BBS9: variants seen among roughly 807,000 people sequenced by gnomAD.
BBS9 encodes protein PTHB1.
A neutral mutation model predicts 117.7 loss-of-function variants in BBS9; 89 were observed. The observed-to-expected ratio is 0.76, with a 90% CI of 0.64 to 0.90. BBS9 has a LOEUF of 0.90. Ranked by LOEUF, BBS9 falls within the 40% of genes least tolerant of loss-of-function variation. The pLI is 0.00. For synonymous variants in BBS9, 379 were observed against 370.9 expected, an observed-to-expected ratio of 1.02 and a Z score of -0.25; for missense variants, 982 against 1,042.2, an observed-to-expected ratio of 0.94 and a Z score of 0.80.
At chr7:33,464,876 A>C (rs1839940936) in intron 19 of BBS9, among the ~76,000 whole-genome samples, 1 of 152,076 alleles carries the variant, frequency 6.6e-6, no homozygotes, top group Non-Finnish European at 1.5e-5. Context: ...CCCAGGCTGG[A>C]GTACAGTGGT....
intron 19 of BBS9, among the ~76,000 whole-genome samples, chr7:33,422,676 C>T (rs777899612): frequency 5.9e-5 from 9 of 152,084 alleles, no homozygotes; most frequent in African/African-American, 1.2e-4. Context: ...ATATTTGGCT[C>T]TCAACAATGA....
At chr7:33,600,909 T>G (rs1250698030) in intron 21 of BBS9, among the ~76,000 whole-genome samples, 1 of 152,186 alleles carries the variant, frequency 6.6e-6, no homozygotes, top group Admixed American at 6.5e-5. Flanking sequence ...CAGGGAGCCC[T>G]GGCTATGGAA....
At chr7:33,607,124 C>A (rs996220598), downstream of BBS9, among the ~76,000 whole-genome samples, 1 of 152,114 alleles carries the variant, frequency 6.6e-6, no homozygotes, top group Non-Finnish European at 1.5e-5. Context: ...GATTTGCAAG[C>A]TCCTTGGACA....
intron 19 of BBS9, among the ~76,000 whole-genome samples, chr7:33,406,057 T>A (rs1253979263): frequency 6.6e-6 from 1 of 152,202 alleles, no homozygotes; most frequent in Non-Finnish European, 1.5e-5. Flanking sequence ...TTTGTTCTCG[T>A]TGGTTTCAAA....
At chr7:33,515,334 CA>C (rs1429901298) in intron 20 of BBS9, among the ~76,000 whole-genome samples, 35 of 151,956 alleles carry the variant, frequency 2.3e-4, no homozygotes, top group Non-Finnish European at 1.0e-4. Context: ...TCCCCTAAAT[CA>C]TGGCAAGTCA....
At chr7:33,193,015 C>G (rs1291095045) in intron 5 of BBS9, among the ~76,000 whole-genome samples, 1 of 152,194 alleles carries the variant, frequency 6.6e-6, no homozygotes, top group Non-Finnish European at 1.5e-5. Flanking sequence ...AGCAAGTAGT[C>G]TCTTACAGTC....
downstream of BBS9, among the ~76,000 whole-genome samples, chr7:33,609,520 G>A (rs1397705618): frequency 3.9e-5 from 6 of 152,106 alleles, no homozygotes; most frequent in Admixed American, 3.9e-4. Context: ...AATTGGGAAA[G>A]TTATTTTATG....
chr7:33,632,493 C>G (rs1473303439), intron 21 of BBS9, among the ~76,000 whole-genome samples: 2 of 152,242 alleles, frequency 1.3e-5, no homozygotes, highest in East Asian at 3.9e-4. Flanking sequence ...GGCGCCCTCG[C>G]CCCGCTCGCG....
intron 21 of BBS9, among the ~76,000 whole-genome samples, chr7:33,553,849 A>G (rs1854852248): frequency 6.6e-6 from 1 of 152,180 alleles, no homozygotes; most frequent in South Asian, 2.1e-4. Context: ...ATTCGTACCC[A>G]CAGGAGCTTA....
At chr7:33,243,032 T>C (rs1453013402) in intron 5 of BBS9, 1 of 516,894 alleles carries the variant, frequency 1.9e-6, no homozygotes, top group Non-Finnish European at 3.9e-6. Flanking sequence ...TCCCAAGTTA[T>C]AGAATAGTTG....
At chr7:33,366,626 C>A (rs934094007) in intron 16 of BBS9, among the ~76,000 whole-genome samples, 1 of 139,728 alleles carries the variant, frequency 7.2e-6, no homozygotes, top group African/African-American at 2.7e-5. Flanking sequence ...CTCCCTGCAG[C>A]CTCCACCTCC....
intron 1 of BBS9, among the ~76,000 whole-genome samples, chr7:33,145,109 A>G (rs1029676935): frequency 2.0e-5 from 3 of 152,210 alleles, no homozygotes; most frequent in African/African-American, 2.4e-5. Flanking sequence ...GCTTGCAGGA[A>G]TCTGTCTAAC....
At chr7:33,283,952 G>A (rs1171231699) in intron 9 of BBS9, among the ~76,000 whole-genome samples, 1 of 152,066 alleles carries the variant, frequency 6.6e-6, no homozygotes, top group Non-Finnish European at 1.5e-5. Context: ...GCCCCTAACG[G>A]CCCCTGTCAC....
intron 19 of BBS9, among the ~76,000 whole-genome samples, chr7:33,468,796 G>A (rs1840548574): frequency 6.6e-6 from 1 of 152,000 alleles, no homozygotes; most frequent in Non-Finnish European, 1.5e-5. Flanking sequence ...TCAATTTAAT[G>A]TCCCCCCAGC....
chr7:33,602,302 G>C (rs1007877370), intron 21 of BBS9, among the ~76,000 whole-genome samples: 1 of 152,192 alleles, frequency 6.6e-6, no homozygotes, highest in Non-Finnish European at 1.5e-5. Context: ...CTCAGCTTCG[G>C]CTTCTTTTCT....
intron 5 of BBS9, among the ~76,000 whole-genome samples, chr7:33,202,234 C>G (rs1786004920): frequency 6.6e-6 from 1 of 152,138 alleles, no homozygotes; most frequent in Non-Finnish European, 1.5e-5. Flanking sequence ...GCATTCTTAA[C>G]TTTGGCAGAT....
intron 19 of BBS9, among the ~76,000 whole-genome samples, chr7:33,468,465 A>T (rs970141232): frequency 6.6e-6 from 1 of 152,194 alleles, no homozygotes; most frequent in East Asian, 1.9e-4. Flanking sequence ...CAATGTATTA[A>T]TGATCAAACC....
intron 21 of BBS9, among the ~76,000 whole-genome samples, chr7:33,574,729 G>GCA (rs1218351798): frequency 2.1e-4 from 25 of 120,980 alleles, no homozygotes; most frequent in Non-Finnish European, 3.7e-4. Context: ...ACACACACGC[G>GCA]CACACACACA....
intron 9 of BBS9, among the ~76,000 whole-genome samples, chr7:33,298,328 G>A (rs900498714): frequency 2.6e-5 from 4 of 151,978 alleles, no homozygotes; most frequent in Non-Finnish European, 4.4e-5. Context: ...GTGCCTCCCC[G>A]CTTTTCTGTA....
Sources: allele counts gnomAD v4.1 joint callset (sites outside exome capture counted in the v4.1 genomes callset), GRCh38; gene constraint gnomAD v4.1.1; transcripts MANE v1.5; gene names NCBI Gene and HGNC (gene_info 2026-07-23, HGNC 2026-07-21).